The following CCDC158 variants were observed in gnomAD, a reference collection of about 807,000 sequenced individuals.
CCDC158 encodes the protein coiled-coil domain-containing protein 158.
A neutral mutation model predicts 138.6 loss-of-function variants in CCDC158; 116 were observed. The observed-to-expected ratio is 0.84, with a 90% CI of 0.72 to 0.98. The LOEUF (loss-of-function observed/expected upper bound fraction) is 0.98. Among genes scored for constraint, CCDC158 ranks in the 50% least tolerant of loss-of-function variants. The pLI, the probability that CCDC158 is intolerant of heterozygous loss-of-function variation, is 0.00. For missense variants in CCDC158, 1,265 were observed against 1,306.1 expected (o/e 0.97, Z 0.48); for synonymous variants, 436 against 442.4 (o/e 0.99, Z 0.18).
chr4:76,345,111 C>T, intron 18 of CCDC158: 1 of 1,165,242 alleles, frequency 8.6e-7, no homozygotes, highest in South Asian at 1.2e-5. Context: ...TGTCTATATC[C>T]ACACTGCAGC....
intron 9 of CCDC158, among the ~76,000 whole-genome samples, chr4:76,377,034 G>A (rs2870232): frequency 0.029 from 4,483 of 152,212 alleles, 222 homozygotes; most frequent in African/African-American, 0.1. Flanking sequence ...TCTGGATCTC[G>A]TGCTTCTACA....
intron 18 of CCDC158, among the ~76,000 whole-genome samples, chr4:76,350,118 C>A (rs970494167): frequency 1.3e-5 from 2 of 152,196 alleles, no homozygotes; most frequent in African/African-American, 4.8e-5. Flanking sequence ...AAGCAGCAGT[C>A]TCCTGCCCTT....
intron 13 of CCDC158, among the ~76,000 whole-genome samples, chr4:76,361,102 TC>T (rs1724087399): frequency 6.6e-6 from 1 of 152,098 alleles, no homozygotes; most frequent in African/African-American, 2.4e-5. Flanking sequence ...GTGTAGCACC[TC>T]CCCCTTTGTG....
chr4:76,374,350 C>T (rs1725526902), intron 9 of CCDC158, among the ~76,000 whole-genome samples: 1 of 152,124 alleles, frequency 6.6e-6, no homozygotes, highest in African/African-American at 2.4e-5. Context: ...TTAGTAAATA[C>T]AGTAAGGGGA....
intron 4 of CCDC158, among the ~76,000 whole-genome samples, chr4:76,395,023 C>T (rs769280014): frequency 1.5e-4 from 23 of 151,908 alleles, no homozygotes; most frequent in Non-Finnish European, 3.4e-4. Context: ...CAATTAGGAA[C>T]CCCAGTAAAA....
intron 22 of CCDC158, among the ~76,000 whole-genome samples, chr4:76,327,443 G>A (rs1247057696): frequency 6.6e-6 from 1 of 152,088 alleles, no homozygotes; most frequent in Non-Finnish European, 1.5e-5. Context: ...AAACCTAGAT[G>A]GTATACAGGC....
chr4:76,356,521 C>A (rs905530556), intron 14 of CCDC158: 1 of 152,092 alleles, frequency 6.6e-6, no homozygotes, highest in Non-Finnish European at 1.5e-5. Context: ...GTCTGGGGAG[C>A]AGGGGCAGCA....
At chr4:76,363,881 G>A (rs926899086) in intron 12 of CCDC158, among the ~76,000 whole-genome samples, 22 of 152,142 alleles carry the variant, frequency 1.4e-4, no homozygotes, top group Non-Finnish European at 5.9e-5. Flanking sequence ...TGGCGTGGGG[G>A]TAGGGGGAGA....
At chr4:76,322,802 T>C in intron 24 of CCDC158, among the ~76,000 whole-genome samples, 1 of 152,196 alleles carries the variant, frequency 6.6e-6, no homozygotes, top group East Asian at 1.9e-4. Flanking sequence ...CTTATTCAAA[T>C]AGTTTTAGCA....
chr4:76,409,818 G>A (rs545260385), intron 2 of CCDC158, among the ~76,000 whole-genome samples: 4 of 151,810 alleles, frequency 2.6e-5, no homozygotes, highest in African/African-American at 2.4e-5. Flanking sequence ...GTGACAGAGC[G>A]AGACTGTCTC....
Position 76,396,574 on chromosome 4 carries a change from C to T in CCDC158, c.71-88G>A, listed in dbSNP as rs144334951. On this transcript the variant is annotated intron_variant, in intron 3 of 24. Transcript: ENST00000682701. Reference sequence around the variant, plus strand: ...TTGCCCAGGCTGGAGTGCAATGGCGCGATCTTGCTCACTGCAACCTCTGCC... The same window carrying T: ...TTGCCCAGGCTGGAGTGCAATGGCGTGATCTTGCTCACTGCAACCTCTGCC... 2.3e-4 allele frequency: 216 copies of T among 926,422 alleles called. No homozygotes were observed. The East Asian group carries it at 5.2e-3, about 22-fold the overall frequency. The allele number at this position is 926,422 out of a possible 1,614,324, so 57.4% of individuals were successfully genotyped here. A position where few individuals can be genotyped will look rare whatever the true frequency, so the allele number is the denominator to read the frequency against.
At chr4:76,402,518 C>T (rs2109864063) in intron 3 of CCDC158, among the ~76,000 whole-genome samples, 1 of 152,328 alleles carries the variant, frequency 6.6e-6, no homozygotes, top group South Asian at 2.1e-4. Context: ...TTGGTAGCAG[C>T]TTCTTGCAGT....
At chr4:76,336,833 C>A (rs1392434578) in intron 18 of CCDC158, among the ~76,000 whole-genome samples, 1 of 152,158 alleles carries the variant, frequency 6.6e-6, no homozygotes, top group African/African-American at 2.4e-5. Flanking sequence ...ATCGTTGAAA[C>A]CATTTTTGGT....
chr4:76,417,789 G>C lies in CCDC158; in HGVS notation c.-117+3176C>G, dbSNP rs144678723. Among the ~76,000 whole-genome samples the C allele has an allele frequency of 2.8e-3, 423 of 152,284 alleles. 3 individuals are homozygous for C. The highest frequency in any genetic ancestry group is 9.6e-3 in the African/African-American group (398 of 41,560). Reference sequence around the variant, plus strand: ...GTGGCATTGAACTGAATGACAGAAAGGGGTCAGCCTCACAGTGGCCAGGGA... The same window carrying C: ...GTGGCATTGAACTGAATGACAGAAACGGGTCAGCCTCACAGTGGCCAGGGA... On this transcript the variant is annotated intron_variant, in intron 1 of 24. Transcript: ENST00000682701.
chr4:76,406,077 C>A (rs765185821), intron 2 of CCDC158, among the ~76,000 whole-genome samples: 2 of 151,992 alleles, frequency 1.3e-5, no homozygotes, highest in South Asian at 4.1e-4. Context: ...AAAAAACAAC[C>A]CTGCTATGTA....
At chr4:76,411,606 C>A (rs1042508424) in intron 2 of CCDC158, among the ~76,000 whole-genome samples, 1 of 152,148 alleles carries the variant, frequency 6.6e-6, no homozygotes, top group Admixed American at 6.5e-5. Flanking sequence ...TACTTACGAT[C>A]GCATTTCACC....
In CCDC158 at chr4:76,395,315, G is replaced by T. The variant is rs553513081; in HGVS notation, c.288+954C>A. On this transcript the variant is annotated intron_variant, in intron 4 of 24. Transcript: ENST00000682701. ...TTTTTGTATCCCTGTGCATACTGGG[G>T]TACATAATTTTCAACACTTAATAAA... Among the ~76,000 whole-genome samples, 313 of 152,142 alleles carry T rather than the reference G, an allele frequency of 2.1e-3. 1 individual carries two copies. Among genetic ancestry groups the T allele is most frequent in the African/African-American group, 6.9e-3 (287 of 41,512 alleles).
chr4:76,315,297 C>T (rs1719272722), intron 24 of CCDC158, among the ~76,000 whole-genome samples: 1 of 152,216 alleles, frequency 6.6e-6, no homozygotes, highest in Non-Finnish European at 1.5e-5. Flanking sequence ...ACCCACCTAA[C>T]TCTGCCCCAA....
At chr4:76,365,358 T>G (rs1724552210) in intron 12 of CCDC158, among the ~76,000 whole-genome samples, 1 of 152,168 alleles carries the variant, frequency 6.6e-6, no homozygotes, top group African/African-American at 2.4e-5. Context: ...ATGTTCTTTG[T>G]GTCTGTGTGA....
Sources: gnomAD v4.1 joint callset for allele counts (sites outside exome capture counted in the v4.1 genomes callset) on GRCh38, gnomAD v4.1.1 for gene constraint, MANE v1.5 for transcripts, NCBI Gene and HGNC (gene_info 2026-07-23, HGNC 2026-07-21) for gene names.